TMTC4: variants seen among roughly 807,000 people sequenced by gnomAD.
TMTC4 encodes protein O-mannosyl-transferase TMTC4.
A neutral mutation model predicts 86.0 loss-of-function variants in TMTC4; 65 were observed. The observed-to-expected ratio is 0.76, with a 90% CI of 0.62 to 0.93. The LOEUF is 0.93. TMTC4 is among the 40% of genes least tolerant of loss of function. The probability of loss-of-function intolerance (pLI) is 0.00; values close to 1 mark genes in which losing one functional copy is unlikely to be tolerated. For missense variants in TMTC4, 866 were observed against 948.1 expected (o/e 0.91, Z 1.14); for synonymous variants, 379 against 382.5 (o/e 0.99, Z 0.11).
At chr13:100,668,961 C>T (rs1886737942) in intron 2 of TMTC4, among the ~76,000 whole-genome samples, 167 bp from the exon 3 acceptor site, 1 of 152,212 alleles carries the variant, frequency 6.6e-6, no homozygotes, top group South Asian at 2.1e-4. Context: ...GCAGAAAAGT[C>T]ACATGGGACA....
At chr13:100,663,278 A>T in intron 4 of TMTC4, 98 bp from the exon 5 acceptor site, 1 of 1,062,708 alleles carries the variant, frequency 9.4e-7, no homozygotes, top group Middle Eastern at 2.2e-4. Context: ...AAATATTAAA[A>T]GGAGAAGCGG....
chr13:100,612,284 A>G, intron 17 of TMTC4, 114 bp downstream of exon 17: 1 of 794,468 alleles, frequency 1.3e-6, no homozygotes, highest in East Asian at 2.7e-5. Context: ...ACATTGGTGC[A>G]CCACTGCCAC....
intron 17 of TMTC4, among the ~76,000 whole-genome samples, chr13:100,606,948 C>T (rs1490227983): frequency 6.6e-6 from 1 of 152,192 alleles, no homozygotes; most frequent in East Asian, 1.9e-4. Context: ...TGTCACAGTA[C>T]TGCACATGAC....
intron 14 of TMTC4, 43 bp from the exon 15 acceptor site, chr13:100,625,719 G>A (rs776359225): frequency 6.2e-7 from 1 of 1,610,398 alleles, no homozygotes; most frequent in Admixed American, 1.7e-5. Flanking sequence ...AAGATGAAAG[G>A]CTTAGATGCC....
chr13:100,626,035 T>G, intron 13 of TMTC4, 36 bp downstream of exon 13: 1 of 1,611,074 alleles, frequency 6.2e-7, no homozygotes, highest in Middle Eastern at 1.7e-4. Context: ...AAACGATCTG[T>G]GTACATAATT....
At chr13:100,619,362 CA>C (rs1879131109) in intron 15 of TMTC4, among the ~76,000 whole-genome samples, 8 of 150,668 alleles carry the variant, frequency 5.3e-5, no homozygotes, top group Admixed American at 4.6e-4. Flanking sequence ...CACACACACA[CA>C]CACACACACA....
intron 1 of TMTC4, chr13:100,673,968 T>C (rs919689295): frequency 9.6e-6 from 9 of 936,824 alleles, no homozygotes; most frequent in African/African-American, 7.1e-5. Flanking sequence ...GGATGACTCA[T>C]AGTGGCTAGA....
chr13:100,666,119 A>T (rs544659132), intron 3 of TMTC4: 28 of 451,446 alleles, frequency 6.2e-5, no homozygotes, highest in African/African-American at 4.2e-4. Context: ...TACAGAAAGA[A>T]AGGTCAATTC....
chr13:100,626,194 G>T (rs1447382930), intron 12 of TMTC4, 44 bp from the exon 13 acceptor site: 4 of 1,585,580 alleles, frequency 2.5e-6, no homozygotes, highest in Middle Eastern at 1.7e-4. Context: ...CAGACTTCTT[G>T]TTCAGAGCCT....
intron 1 of TMTC4, among the ~76,000 whole-genome samples, chr13:100,671,016 A>G (rs1393898416): frequency 6.6e-6 from 1 of 152,234 alleles, no homozygotes; most frequent in East Asian, 1.9e-4. Flanking sequence ...ATGATTTAAC[A>G]TGGGGAGAAA....
chr13:100,611,322 A>G (rs1877532669), intron 17 of TMTC4, among the ~76,000 whole-genome samples: 1 of 152,288 alleles, frequency 6.6e-6, no homozygotes, highest in South Asian at 2.1e-4. Context: ...GTGGTGGCTC[A>G]TGCCTGTAAT....
chr13:100,664,654 G>C (rs1257297319), intron 3 of TMTC4, among the ~76,000 whole-genome samples: 4 of 152,074 alleles, frequency 2.6e-5, no homozygotes, highest in Non-Finnish European at 5.9e-5. Flanking sequence ...TGCACGTGCG[G>C]GTCACCCCTG....
chr13:100,606,060 T>C (rs953273441), intron 18 of TMTC4, among the ~76,000 whole-genome samples: 7 of 152,208 alleles, frequency 4.6e-5, no homozygotes, highest in Non-Finnish European at 7.3e-5. Context: ...TTCGCAACCA[T>C]AGCCTCATTC....
Position 100,637,917 on chromosome 13 carries a change from A to G in TMTC4, c.834+13T>C. The G allele has an allele frequency of 6.3e-7, 1 of 1,595,722 alleles. No homozygotes were observed. Among genetic ancestry groups the G allele is most frequent in the East Asian group, 2.2e-5 (1 of 44,510 alleles). ...TTTCCATGTCTGGGCTGGAGATAAA[A>G]GTACAGACTCACCTCTAATGACTTG... On this transcript the variant is annotated intron_variant, in intron 8 of 18. Coordinates refer to ENST00000342624, the MANE Select transcript of TMTC4 (RefSeq NM_032813.5).
chr13:100,634,333 T>A (rs1881885210), intron 12 of TMTC4, among the ~76,000 whole-genome samples: 1 of 152,176 alleles, frequency 6.6e-6, no homozygotes, highest in African/African-American at 2.4e-5. Context: ...GCACATAGCA[T>A]AAACTTCCTG....
intron 1 of TMTC4, chr13:100,674,435 G>C: frequency 3.3e-6 from 3 of 905,254 alleles, no homozygotes; most frequent in Non-Finnish European, 4.0e-6. Flanking sequence ...GTGCAGGCAG[G>C]GGCTGGGGGC....
At chr13:100,628,923 T>A (rs1301997479) in intron 12 of TMTC4, among the ~76,000 whole-genome samples, 1 of 152,046 alleles carries the variant, frequency 6.6e-6, no homozygotes, top group African/African-American at 2.4e-5. Flanking sequence ...CCAAAATGGG[T>A]AGATCACCTG....
At chr13:100,609,680 T>TATACAC (rs775184123) in intron 17 of TMTC4, among the ~76,000 whole-genome samples, 31 of 150,834 alleles carry the variant, frequency 2.1e-4, no homozygotes, top group African/African-American at 5.1e-4. Flanking sequence ...TGTATATATA[T>TATACAC]ACACACACAC....
chr13:100,654,735 C>T (rs1765729), intron 6 of TMTC4, among the ~76,000 whole-genome samples: 108,517 of 152,026 alleles, frequency 0.71, 39,784 homozygotes, highest in East Asian at 0.99. Context: ...TCTGTTCACT[C>T]GATGGAAGAG....
Sources: gnomAD v4.1 joint callset for allele counts (sites outside exome capture counted in the v4.1 genomes callset) on GRCh38, gnomAD v4.1.1 for gene constraint, MANE v1.5 for transcripts, NCBI Gene and HGNC (gene_info 2026-07-23, HGNC 2026-07-21) for gene names.